ZC3H18: variants seen among roughly 807,000 people sequenced by gnomAD.
ZC3H18 encodes zinc finger CCCH domain-containing protein 18.
In ZC3H18, 8 loss-of-function variants were observed where a neutral mutation model predicts 106.1. That is an observed-to-expected ratio of 0.08 (90% CI 0.04 to 0.14). The LOEUF is 0.14. ZC3H18 is among the 10% of genes least tolerant of loss of function. The pLI, the probability that ZC3H18 is intolerant of heterozygous loss-of-function variation, is 1.00. For missense variants in ZC3H18, 1,318 were observed against 1,278.4 expected, an observed-to-expected ratio of 1.03 and a Z score of -0.47; for synonymous variants, 635 against 522.1, an observed-to-expected ratio of 1.22 and a Z score of -2.95.
chr16:88,610,721 C>T (rs543721425), intron 7 of ZC3H18, among the ~76,000 whole-genome samples: 3 of 152,210 alleles, frequency 2.0e-5, no homozygotes, highest in African/African-American at 7.2e-5. Context: ...GAGGATTGTA[C>T]TAGAAGAAGA....
Position 88,575,543 on chromosome 16 carries a change from G to A in ZC3H18, c.-14-1567G>A, listed in dbSNP as rs1386123865. Among the ~76,000 whole-genome samples the A allele has an allele frequency of 2.0e-5, 3 of 151,776 alleles. 1 individual carries two copies. Among genetic ancestry groups the A allele is most frequent in the Non-Finnish European group, 4.4e-5 (3 of 67,880 alleles). ...TGTGGCAAGTGTTTGCCAGGCAGGT[G>A]TTGCCGTTCTACACCTTCCTACCCG... On this transcript the variant is annotated intron_variant, in intron 1 of 17. Transcript: ENST00000301011.
chr16:88,620,046 G>A (rs144993700), intron 8 of ZC3H18, among the ~76,000 whole-genome samples: 1 of 152,288 alleles, frequency 6.6e-6, no homozygotes, highest in African/African-American at 2.4e-5. Context: ...CTGTGATGTC[G>A]CGTGTCCGTG....
chr16:88,582,083 T>A (rs1915165744), intron 2 of ZC3H18, among the ~76,000 whole-genome samples: 1 of 152,198 alleles, frequency 6.6e-6, no homozygotes, highest in Non-Finnish European at 1.5e-5. Flanking sequence ...AGCAGCGCAG[T>A]GGGCCCTGTC....
chr16:88,631,108 C>G lies in ZC3H18; in HGVS notation c.2671C>G (p.Gln891Glu). Residue 891 changes from glutamine (Q) to glutamate (E), a missense_variant, in exon 18 of 18, where the codon CAG becomes GAG. By Grantham distance (29) the Gln-to-Glu change is conservative. Coordinates refer to ENST00000301011, the MANE Select transcript of ZC3H18 (RefSeq NM_144604.4). ...APAAPADRKR[Q>E]LSPQSKSSSK... is the part of the protein sequence containing the mutation. Reference sequence around the variant, plus strand: ...TTCCCCACCCCCTTGTAGGAAGCGCCAGCTGTCACCCCAGTCCAAGAGCTC... The same window carrying G: ...TTCCCCACCCCCTTGTAGGAAGCGCGAGCTGTCACCCCAGTCCAAGAGCTC... 1 of 1,612,106 alleles carries G rather than the reference C, an allele frequency of 6.2e-7. No homozygotes were observed. Among genetic ancestry groups the G allele is most frequent in the African/African-American group, 1.3e-5 (1 of 75,018 alleles).
chr16:88,624,437 C>A, intron 11 of ZC3H18, 165 bp from the exon 12 acceptor site: 1 of 1,157,208 alleles, frequency 8.6e-7, no homozygotes, highest in Non-Finnish European at 1.2e-6. Context: ...TTCCCAAGCA[C>A]TCTGACACCG....
At chr16:88,611,602 C>T (rs1360393888) in intron 8 of ZC3H18, 66 bp downstream of exon 8, 22 of 1,508,514 alleles carry the variant, frequency 1.5e-5, no homozygotes, top group Non-Finnish European at 2.0e-5. Context: ...GTACCTAGTC[C>T]CCCTGGCCTG....
intron 1 of ZC3H18, among the ~76,000 whole-genome samples, chr16:88,571,296 G>A (rs1384168027): frequency 2.0e-5 from 3 of 152,198 alleles, no homozygotes; most frequent in African/African-American, 7.2e-5. Context: ...ATTTGCAAGA[G>A]TAGGTCATTC....
At chr16:88,574,609 C>G (rs148536626) in intron 1 of ZC3H18, among the ~76,000 whole-genome samples, 5 of 150,450 alleles carry the variant, frequency 3.3e-5, no homozygotes, top group African/African-American at 1.2e-4. Flanking sequence ...ATCAGGTGAT[C>G]CTCCTATCTC....
chr16:88,571,923 A>T (rs1035260499), intron 1 of ZC3H18, among the ~76,000 whole-genome samples: 1 of 152,208 alleles, frequency 6.6e-6, no homozygotes, highest in Non-Finnish European at 1.5e-5. Flanking sequence ...GTTGAAAGTA[A>T]TTGTCCCAAA....
chr16:88,589,598 C>CGCCGCAACGTGGACGAGCCTTGAAGACGT (rs1372222084), intron 3 of ZC3H18, among the ~76,000 whole-genome samples: 1 of 147,884 alleles, frequency 6.8e-6, no homozygotes, highest in East Asian at 2.0e-4. Context: ...TTGTGACTCA[C>CGCCGCAACGTGGACGAGCCTTGAAGACGT]GCCGCAACGT....
intron 3 of ZC3H18, among the ~76,000 whole-genome samples, chr16:88,596,088 G>A (rs1485970044): frequency 6.6e-6 from 1 of 152,166 alleles, no homozygotes; most frequent in Non-Finnish European, 1.5e-5. Context: ...CCCCCGGGCA[G>A]GTGGCTCCCG....
At chr16:88,588,755 G>A (rs775086122) in intron 3 of ZC3H18, among the ~76,000 whole-genome samples, 2 of 152,100 alleles carry the variant, frequency 1.3e-5, no homozygotes, top group South Asian at 4.1e-4. Context: ...TGGCACGCAT[G>A]TGTAGTCCCA....
intron 5 of ZC3H18, 132 bp from the exon 6 acceptor site, chr16:88,599,659 T>A: frequency 9.1e-7 from 1 of 1,095,624 alleles, no homozygotes; most frequent in South Asian, 1.5e-5. Context: ...CCTCACCCCT[T>A]GAGCACTTGC....
intron 2 of ZC3H18, among the ~76,000 whole-genome samples, chr16:88,583,891 C>G (rs1009051186): frequency 1.3e-5 from 2 of 152,108 alleles, no homozygotes; most frequent in African/African-American, 4.8e-5. Flanking sequence ...TGGCTCGGGT[C>G]ACATGAGCAG....
At chr16:88,619,794 G>A (rs539750588) in intron 8 of ZC3H18, among the ~76,000 whole-genome samples, 12 of 152,270 alleles carry the variant, frequency 7.9e-5, no homozygotes, top group South Asian at 2.1e-4. Context: ...ACTTCTGCCC[G>A]TTCCCTCTCC....
At chr16:88,586,101 C>T (rs966322908) in intron 2 of ZC3H18, among the ~76,000 whole-genome samples, 4 of 152,156 alleles carry the variant, frequency 2.6e-5, no homozygotes, top group Non-Finnish European at 4.4e-5. Context: ...TAAGACTTGA[C>T]AGTCAGGGTG....
rs148704787 is a variant in ZC3H18 at position 88,627,747 on chromosome 16, G to A, written c.2234G>A (p.Arg745Gln). 1.1e-5 allele frequency: 17 copies of A among 1,612,790 alleles called. No individual in the cohort carries two copies. Among genetic ancestry groups the A allele is most frequent in the African/African-American group, 8.0e-5 (6 of 74,906 alleles). Residue 745 changes from arginine (R) to glutamine (Q), a missense_variant, in exon 14 of 18, where the codon CGG becomes CAG. Arg to Gln is a conservative substitution (Grantham distance 43). Transcript: ENST00000301011. The surrounding 1 kb of genome is among the most constrained non-coding windows in gnomAD (Gnocchi z 4.5). Reference sequence around the variant, plus strand: ...AGCCCCGTGTCCTCAGCCAGCTCTCGGTCCCCGGCCCCAGCCCAGACCAGG... The same window carrying A: ...AGCCCCGTGTCCTCAGCCAGCTCTCAGTCCCCGGCCCCAGCCCAGACCAGG... The part of the protein sequence containing the change: ...LASPVSSASS[R>Q]SPAPAQTRKE...
Position 88,622,198 on chromosome 16 carries a change from C to G in ZC3H18, c.1477C>G (p.Arg493Gly). 1 of 1,606,662 alleles carries G rather than the reference C, an allele frequency of 6.2e-7. No homozygotes were observed. Among genetic ancestry groups the G allele is most frequent in the Non-Finnish European group, 8.5e-7 (1 of 1,174,998 alleles). ...TTGCTAATGCCTCTGTAATTTCAGC[C>G]GCCAAGCTGAGCCACCAAAGAAGGA... is the stretch of plus-strand genomic sequence containing the variant. ...PKPRSPQPPSRQAEPPKKEAA... is the reference protein window; with the variant it reads ...PKPRSPQPPSGQAEPPKKEAA... The change falls in exon 9 of 18, where the codon CGC becomes GGC. Residue 493 changes from arginine to glycine, a missense_variant and splice_region_variant. By Grantham distance (125) the Arg-to-Gly change is moderately radical (BLOSUM62 -2). This residue lies in a region of ZC3H18 where 848 missense variants were observed against 821.7 expected (regional missense o/e 1.03). Transcript: ENST00000301011.
intron 16 of ZC3H18, 101 bp from the exon 17 acceptor site, chr16:88,630,384 G>C (rs1906586385): frequency 1.2e-6 from 1 of 841,610 alleles, no homozygotes; most frequent in South Asian, 1.6e-5. Context: ...GAACTAAGCA[G>C]CCTCAGGCTT....
Sources: allele counts gnomAD v4.1 joint callset (sites outside exome capture counted in the v4.1 genomes callset), GRCh38; gene constraint gnomAD v4.1.1; regional missense constraint gnomAD v4.1.1; non-coding constraint Gnocchi (gnomAD v3.1); transcripts MANE v1.5; gene names NCBI Gene and HGNC (gene_info 2026-07-23, HGNC 2026-07-21).